EYS: variants seen among roughly 807,000 people sequenced by gnomAD.
EYS encodes EGF-like photoreceptor maintenance factor, also known as protein eyes shut homolog.
Under a neutral mutation model 282.1 loss-of-function variants are expected in EYS, and 250 were observed. That is an observed-to-expected ratio of 0.89 (90% confidence interval 0.80 to 0.98). EYS has a LOEUF of 0.98. Ranked by LOEUF, EYS falls within the 50% of genes least tolerant of loss-of-function variation. EYS has a pLI of 0.00. For synonymous variants in EYS, 1,355 were observed against 1,282.9 expected (o/e 1.06, Z -1.20); for missense variants, 4,016 against 3,709.0 (o/e 1.08, Z -2.15).
chr6:64,524,468 T>C (rs1777853351), intron 26 of EYS, among the ~76,000 whole-genome samples: 4 of 151,924 alleles, frequency 2.6e-5, no homozygotes, highest in Admixed American at 2.6e-4. Flanking sequence ...GTGCGTAAGC[T>C]CTTAAGTTTA....
At chr6:65,553,254 GT>G (rs1217618026) in intron 2 of EYS, among the ~76,000 whole-genome samples, 2 of 152,160 alleles carry the variant, frequency 1.3e-5, no homozygotes, top group African/African-American at 2.4e-5. Flanking sequence ...AAAGGATTCA[GT>G]AATCAGAAAC....
At chr6:64,185,713 T>C (rs1348220171) in intron 31 of EYS, among the ~76,000 whole-genome samples, 1 of 152,116 alleles carries the variant, frequency 6.6e-6, no homozygotes, top group Admixed American at 6.6e-5. Flanking sequence ...GGAAAAAAAC[T>C]GTGATTTTCA....
chr6:65,347,033 A>G (rs1206860968), intron 9 of EYS, among the ~76,000 whole-genome samples: 1 of 151,782 alleles, frequency 6.6e-6, no homozygotes, highest in East Asian at 1.9e-4. Context: ...TAGCATGTGG[A>G]TGTATTCTCA....
At chr6:65,189,636 T>C (rs766397333) in intron 12 of EYS, among the ~76,000 whole-genome samples, 7 of 151,772 alleles carry the variant, frequency 4.6e-5, no homozygotes, top group Non-Finnish European at 8.8e-5. Flanking sequence ...GACAGCAGCG[T>C]ATACTAGAAA....
intron 19 of EYS, among the ~76,000 whole-genome samples, chr6:64,859,200 T>G (rs555268857): frequency 6.7e-6 from 1 of 148,532 alleles, no homozygotes; most frequent in African/African-American, 2.4e-5. Flanking sequence ...CCCAAAATAA[T>G]ATTTAAAAAT....
At chr6:64,838,827 G>A (rs186837190) in intron 19 of EYS, among the ~76,000 whole-genome samples, 2 of 151,922 alleles carry the variant, frequency 1.3e-5, no homozygotes, top group Admixed American at 1.3e-4. Flanking sequence ...CAACATTTTT[G>A]TTTAATGCCT....
At chr6:64,950,989 G>C (rs2144716) in intron 14 of EYS, among the ~76,000 whole-genome samples, 10,083 of 151,026 alleles carry the variant, frequency 0.067, 427 homozygotes, top group East Asian at 0.13. Context: ...TAGATAAGCA[G>C]AAAGTAGTAG....
intron 2 of EYS, among the ~76,000 whole-genome samples, chr6:65,580,530 T>C (rs1032890934): frequency 2.6e-5 from 4 of 152,208 alleles, no homozygotes; most frequent in Middle Eastern, 3.4e-3. Flanking sequence ...TGTAGAATGC[T>C]TAAAATATAA....
chr6:63,975,342 A>G (rs763197527), intron 35 of EYS, among the ~76,000 whole-genome samples: 48 of 152,018 alleles, frequency 3.2e-4, no homozygotes, highest in Non-Finnish European at 5.2e-4. Flanking sequence ...TACAGCACTC[A>G]TAGTATAAAA....
At chr6:65,291,254 ATATGT>A (rs1768517033) in intron 12 of EYS, among the ~76,000 whole-genome samples, 1 of 151,506 alleles carries the variant, frequency 6.6e-6, no homozygotes, top group Non-Finnish European at 1.5e-5. Flanking sequence ...ATATAATCTG[ATATGT>A]TAAGAGTGGA....
rs369029380 is a variant in EYS at position 64,182,813 on chromosome 6, C to G, written c.6424+47779G>C. Among the ~76,000 whole-genome samples, 15 of 152,246 alleles carry G rather than the reference C, an allele frequency of 9.9e-5. 1 individual carries two copies. The highest frequency in any genetic ancestry group is 3.6e-4 in the African/African-American group (15 of 41,566). ...GATTTCATACCAGCTGTGCCACCAA[C>G]TGGTACACACTTTCCTGTGCCTGCC... is the stretch of plus-strand genomic sequence containing the variant. On this transcript the variant is annotated intron_variant, in intron 31 of 42. Transcript: ENST00000503581.
intron 28 of EYS, among the ~76,000 whole-genome samples, chr6:64,404,390 T>C (rs1269460572): frequency 1.3e-5 from 1 of 79,584 alleles, no homozygotes; most frequent in Non-Finnish European, 2.9e-5. Context: ...AGTGTGTGTG[T>C]GTGTGTGTGT....
intron 41 of EYS, among the ~76,000 whole-genome samples, chr6:63,736,676 G>A (rs916223462): frequency 6.6e-6 from 1 of 152,142 alleles, no homozygotes; most frequent in Admixed American, 6.5e-5. Context: ...ATTACCTTGG[G>A]CAGTACGGCC....
chr6:64,548,183 G>A (rs964632822), intron 26 of EYS, among the ~76,000 whole-genome samples: 1 of 152,216 alleles, frequency 6.6e-6, no homozygotes, highest in Admixed American at 6.5e-5. Context: ...GGCACCAAGA[G>A]CAAGCGAGGG....
intron 1 of EYS, among the ~76,000 whole-genome samples, chr6:65,675,188 A>T (rs1324826347): frequency 6.6e-6 from 1 of 151,772 alleles, no homozygotes; most frequent in African/African-American, 2.4e-5. Flanking sequence ...GCAAGAGAGG[A>T]AAAGAGGAAC....
At chr6:64,156,042 T>TTGTGTG (rs559689576) in intron 31 of EYS, among the ~76,000 whole-genome samples, 1 of 141,084 alleles carries the variant, frequency 7.1e-6, no homozygotes, top group Admixed American at 7.0e-5. Flanking sequence ...GTGTGTGTGT[T>TTGTGTG]TGTGTGTGTG....
chr6:64,887,808 C>T (rs996878951), intron 18 of EYS, among the ~76,000 whole-genome samples: 1 of 152,164 alleles, frequency 6.6e-6, no homozygotes, highest in African/African-American at 2.4e-5. Context: ...GATATGTAAA[C>T]ATTACAGTAA....
At chr6:64,957,967 C>T (rs952397793) in intron 14 of EYS, among the ~76,000 whole-genome samples, 3 of 151,808 alleles carry the variant, frequency 2.0e-5, no homozygotes, top group Non-Finnish European at 4.4e-5. Context: ...TATAAAGAAA[C>T]GTTCAACTGT....
At chr6:64,404,636 A>G (rs1464958054) in intron 28 of EYS, among the ~76,000 whole-genome samples, 1 of 152,190 alleles carries the variant, frequency 6.6e-6, no homozygotes, top group Non-Finnish European at 1.5e-5. Flanking sequence ...TGTAATTCAA[A>G]TCTCAAGGGA....
Sources: gnomAD v4.1 joint callset for allele counts (sites outside exome capture counted in the v4.1 genomes callset) on GRCh38, gnomAD v4.1.1 for gene constraint, MANE v1.5 for transcripts, NCBI Gene and HGNC (gene_info 2026-07-23, HGNC 2026-07-21) for gene names.